Variants in RIMS2 observed in about 807,000 individuals in gnomAD.
RIMS2 encodes regulating synaptic membrane exocytosis 2.
In RIMS2, 59 loss-of-function variants were observed where a neutral mutation model predicts 174.4. The observed-to-expected ratio is 0.34, with a 90% CI of 0.27 to 0.42. RIMS2 has a LOEUF of 0.42. Ranked by LOEUF, RIMS2 falls within the 10% of genes least tolerant of loss-of-function variation. The probability of loss-of-function intolerance (pLI) is 1.00; values close to 1 mark genes in which losing one functional copy is unlikely to be tolerated. For missense variants in RIMS2, 1,620 were observed against 1,666.3 expected, an observed-to-expected ratio of 0.97 and a Z score of 0.48; for synonymous variants, 606 against 572.5, an observed-to-expected ratio of 1.06 and a Z score of -0.84.
chr8:103,855,147 G>A (rs747035775), intron 3 of RIMS2, among the ~76,000 whole-genome samples: 2 of 151,964 alleles, frequency 1.3e-5, no homozygotes, highest in African/African-American at 2.4e-5. Flanking sequence ...TTTGTGCATA[G>A]AGATGTTTAC....
At position 103,985,345 on chromosome 8, in the gene RIMS2, G is replaced by A. The variant is rs527327655; in HGVS notation, c.2928-3960G>A. Among the ~76,000 whole-genome samples, 51 of 151,496 alleles carry A rather than the reference G, an allele frequency of 3.4e-4. 1 individual carries two copies. Among genetic ancestry groups the A allele is most frequent in the African/African-American group, 9.0e-4 (37 of 41,300 alleles). Reference sequence around the variant, plus strand: ...AAAAATTAGCCGAGCATGGTGGTGCGCGCCTGTAGTCCCAGCTACTTGGAA... The same window carrying A: ...AAAAATTAGCCGAGCATGGTGGTGCACGCCTGTAGTCCCAGCTACTTGGAA... On this transcript the variant is annotated intron_variant, in intron 16 of 23. Transcript: ENST00000504942.
chr8:104,248,663 G>T (rs771699886), intron 20 of RIMS2, 38 bp from the exon 27 acceptor site: 1 of 1,046,508 alleles, frequency 9.6e-7, no homozygotes, highest in South Asian at 1.3e-5. Flanking sequence ...AATAAATAGG[G>T]GTTGGGGATT....
At chr8:104,074,173 A>G (rs2097249151) in intron 19 of RIMS2, among the ~76,000 whole-genome samples, 1 of 152,210 alleles carries the variant, frequency 6.6e-6, no homozygotes, top group African/African-American at 2.4e-5. Flanking sequence ...TGAGCTCTTC[A>G]AAAATTTAAT....
intron 2 of RIMS2, among the ~76,000 whole-genome samples, chr8:103,756,389 T>G (rs2098006283): frequency 7.5e-6 from 1 of 134,094 alleles, no homozygotes; most frequent in African/African-American, 2.7e-5. Context: ...TTGTTGTTTT[T>G]GTTTTTTTTT....
intron 15 of RIMS2, among the ~76,000 whole-genome samples, chr8:103,967,278 G>C (rs185105079): frequency 7.0e-6 from 1 of 142,390 alleles, no homozygotes; most frequent in Admixed American, 7.5e-5. Context: ...CTGCCTCCCA[G>C]GTTCAAGGTT....
At chr8:104,056,275 G>C (rs761459747) in intron 19 of RIMS2, among the ~76,000 whole-genome samples, 1 of 151,756 alleles carries the variant, frequency 6.6e-6, no homozygotes, top group Non-Finnish European at 1.5e-5. Context: ...ATGGTGGCTC[G>C]TGTCTGTAGT....
intron 19 of RIMS2, among the ~76,000 whole-genome samples, chr8:104,036,327 A>C (rs1297464294): frequency 1.3e-5 from 2 of 150,832 alleles, no homozygotes; most frequent in Non-Finnish European, 3.0e-5. Flanking sequence ...ATTTTTTTGT[A>C]TTTTTAGTAG....
intron 14 of RIMS2, among the ~76,000 whole-genome samples, chr8:103,955,501 A>G (rs1359219200): frequency 2.6e-5 from 4 of 152,202 alleles, no homozygotes; most frequent in African/African-American, 9.7e-5. Flanking sequence ...GATAAAAACC[A>G]CATGATTATC....
At chr8:104,073,976 G>T (rs1247966903) in intron 19 of RIMS2, among the ~76,000 whole-genome samples, 1 of 152,174 alleles carries the variant, frequency 6.6e-6, no homozygotes, top group Non-Finnish European at 1.5e-5. Context: ...ATTTCAGATA[G>T]TTAAAGTATG....
At chr8:103,709,337 T>TG (rs1488642355) in intron 2 of RIMS2, among the ~76,000 whole-genome samples, 5 of 136,420 alleles carry the variant, frequency 3.7e-5, no homozygotes, top group African/African-American at 5.7e-5. Flanking sequence ...TTACGGTATG[T>TG]GGGTTTTTTT....
chr8:103,532,078 T>A (rs908856710), intron 1 of RIMS2, among the ~76,000 whole-genome samples: 2 of 152,222 alleles, frequency 1.3e-5, no homozygotes, highest in Admixed American at 1.3e-4. Flanking sequence ...TTAAGTTATG[T>A]CAAAATGCTG....
intron 3 of RIMS2, among the ~76,000 whole-genome samples, chr8:103,821,239 G>A (rs2098749874): frequency 6.6e-6 from 1 of 151,600 alleles, no homozygotes; most frequent in Admixed American, 6.6e-5. Context: ...TTGTTGGCAT[G>A]CCTATAATTT....
chr8:104,072,769 T>C (rs1387444152), intron 19 of RIMS2, among the ~76,000 whole-genome samples: 2 of 152,184 alleles, frequency 1.3e-5, no homozygotes, highest in African/African-American at 2.4e-5. Flanking sequence ...GAAATCTTCT[T>C]AGTAACTCAC....
intron 3 of RIMS2, among the ~76,000 whole-genome samples, chr8:103,787,571 C>A (rs1194100445): frequency 6.6e-6 from 1 of 152,024 alleles, no homozygotes; most frequent in African/African-American, 2.4e-5. Context: ...GTTGAAAATT[C>A]TTTTCTTTAA....
At chr8:104,200,074 A>G (rs1023957106) in intron 19 of RIMS2, among the ~76,000 whole-genome samples, 2 of 152,192 alleles carry the variant, frequency 1.3e-5, no homozygotes, top group African/African-American at 4.8e-5. Flanking sequence ...GCCCCAGGAT[A>G]TAGGAATGGT....
chr8:103,840,771 G>A (rs986834100), intron 3 of RIMS2, among the ~76,000 whole-genome samples: 3 of 152,110 alleles, frequency 2.0e-5, no homozygotes, highest in Admixed American at 2.0e-4. Flanking sequence ...ACTGTATACT[G>A]TGGGAATGAA....
intron 19 of RIMS2, among the ~76,000 whole-genome samples, chr8:104,133,230 G>A (rs551609646): frequency 4.2e-4 from 64 of 152,220 alleles, no homozygotes; most frequent in African/African-American, 7.9e-4. Flanking sequence ...ACATTTTTGA[G>A]AAATTTAGAA....
rs55909886 is a variant in RIMS2 at position 103,933,288 on chromosome 8, GACACACACACACACACAC to G, written c.2375+1925_2375+1942del. On this transcript the variant is annotated intron_variant, in intron 12 of 23. Coordinates refer to ENST00000504942, the Ensembl canonical transcript of RIMS2. ...AGCCTGGGCAACAGATCGAGACTCT[GACACACACACACACACAC>G]ACACACACACACACACACACACACA... Among the ~76,000 whole-genome samples, 85 of 119,764 alleles carry G rather than the reference GACACACACACACACACAC, an allele frequency of 7.1e-4. 1 individual carries two copies. The highest frequency in any genetic ancestry group is 1.1e-3 in the Non-Finnish European group (66 of 60,478). 78.6% of individuals were successfully genotyped at this position (119,764 alleles called of 152,430 possible).
intron 1 of RIMS2, among the ~76,000 whole-genome samples, chr8:103,611,958 A>T (rs1211159446): frequency 2.0e-5 from 2 of 102,034 alleles, no homozygotes; most frequent in South Asian, 2.4e-4. Flanking sequence ...GGCATACTTC[A>T]TTGTTTTTTA....
Sources: allele counts gnomAD v4.1 joint callset (sites outside exome capture counted in the v4.1 genomes callset), GRCh38; gene constraint gnomAD v4.1.1; transcripts MANE v1.5; gene names NCBI Gene and HGNC (gene_info 2026-07-23, HGNC 2026-07-21).